Variants in GSK3B observed in about 807,000 individuals in gnomAD.
GSK3B encodes glycogen synthase kinase-3 beta.
Under a neutral mutation model 56.4 loss-of-function variants are expected in GSK3B, and 15 were observed. That is an observed-to-expected ratio of 0.27 (90% confidence interval 0.18 to 0.41). GSK3B has a LOEUF of 0.41. GSK3B is among the 10% of genes least tolerant of loss of function. The probability of loss-of-function intolerance (pLI) is 1.00; values close to 1 mark genes in which losing one functional copy is unlikely to be tolerated. For synonymous variants in GSK3B, 181 were observed against 188.9 expected (o/e 0.96, Z 0.34); for missense variants, 300 against 513.4 (o/e 0.58, Z 4.02).
intron 2 of GSK3B, among the ~76,000 whole-genome samples, chr3:119,970,301 C>T (rs925164535): frequency 6.6e-6 from 1 of 152,118 alleles, no homozygotes; most frequent in East Asian, 1.9e-4. Context: ...AGAGAAACTT[C>T]ACCAAAGACA....
chr3:119,890,506 G>A lies in GSK3B; in HGVS notation c.814-13998C>T, dbSNP rs558453256. ...GACCACAAAGGAGAATGAACAGGGTGACCAACCATCCCAGTTTGCCTGGGA... is the reference window on the plus strand; with the variant it reads ...GACCACAAAGGAGAATGAACAGGGTAACCAACCATCCCAGTTTGCCTGGGA... On this transcript the variant is annotated intron_variant, in intron 7 of 10. Transcript: ENST00000264235. Among the ~76,000 whole-genome samples, 7 of 152,170 alleles carry A rather than the reference G, an allele frequency of 4.6e-5. No individual in the cohort carries two copies. In the South Asian group the frequency reaches 1.4e-3, roughly 32 times the overall value.
intron 2 of GSK3B, among the ~76,000 whole-genome samples, chr3:119,958,960 G>C (rs1365057038): frequency 1.3e-5 from 2 of 152,010 alleles, no homozygotes; most frequent in Non-Finnish European, 2.9e-5. Context: ...ATATCCCCTG[G>C]AATACAACAC....
intron 3 of GSK3B, among the ~76,000 whole-genome samples, chr3:119,936,894 C>T (rs918239897): frequency 5.3e-5 from 8 of 151,956 alleles, no homozygotes; most frequent in Non-Finnish European, 1.2e-4. Flanking sequence ...CTGGACCCAA[C>T]ATACATATAC....
At chr3:119,938,144 CAAAGT>C (rs970895615) in intron 3 of GSK3B, among the ~76,000 whole-genome samples, 81 of 152,110 alleles carry the variant, frequency 5.3e-4, no homozygotes, top group African/African-American at 1.8e-3. Flanking sequence ...AACCTCCCAA[CAAAGT>C]AAAGTCCAGG....
intron 1 of GSK3B, among the ~76,000 whole-genome samples, chr3:120,050,206 C>T (rs996085301): frequency 1.3e-5 from 2 of 152,194 alleles, no homozygotes; most frequent in Non-Finnish European, 2.9e-5. Context: ...CAAGAACTCA[C>T]TCACTGCTAC....
rs530544829 is a variant in GSK3B, at chr3:119,983,164, T to C, written c.282+18882A>G. Among the ~76,000 whole-genome samples, 24 of 152,178 alleles carry C rather than the reference T, an allele frequency of 1.6e-4. 1 individual carries two copies. The South Asian group carries it at 2.3e-3, about 14-fold the overall frequency. ...ACAGACAAGCAAATGCTGAGAGACT[T>C]TGTCACCACCAGGCCTGCCTTACAA... On this transcript the variant is annotated intron_variant, in intron 2 of 10. Coordinates refer to ENST00000264235, the MANE Select transcript of GSK3B (RefSeq NM_001146156.2).
At chr3:120,075,680 T>C (rs764790783) in intron 1 of GSK3B, among the ~76,000 whole-genome samples, 5 of 151,954 alleles carry the variant, frequency 3.3e-5, no homozygotes, top group Admixed American at 6.6e-5. Flanking sequence ...AACCAAAAAG[T>C]TGAAAGACCT....
intron 9 of GSK3B, among the ~76,000 whole-genome samples, chr3:119,859,046 T>C (rs1263538014): frequency 6.6e-6 from 1 of 152,064 alleles, no homozygotes; most frequent in Non-Finnish European, 1.5e-5. Flanking sequence ...CTCTAAATAT[T>C]GCAAGAATTA....
chr3:120,091,648 G>A (rs2058513498), intron 1 of GSK3B, among the ~76,000 whole-genome samples: 1 of 151,976 alleles, frequency 6.6e-6, no homozygotes, highest in Non-Finnish European at 1.5e-5. Flanking sequence ...TACCACAAGA[G>A]GCTCTTAAGT....
In GSK3B at chr3:120,075,862, G is replaced by C. The variant is rs1371880154; in HGVS notation, c.88+17485C>G. 3.3e-5 allele frequency among the ~76,000 whole-genome samples: 5 copies of C among 151,932 alleles called. No homozygotes were observed. The East Asian group carries it at 5.8e-4, about 18-fold the overall frequency. ...AAAATCCCAATGGCATTCTTCACAA[G>C]AGTAGAAAAAGCAATCCTAAAATTC... On this transcript the variant is annotated intron_variant, in intron 1 of 10. Transcript: ENST00000264235.
At chr3:119,925,444 T>C (rs1295226257) in intron 3 of GSK3B, among the ~76,000 whole-genome samples, 1 of 152,138 alleles carries the variant, frequency 6.6e-6, no homozygotes, top group African/African-American at 2.4e-5. Context: ...AACCTCAGCC[T>C]CAACAGATGA....
At chr3:120,031,127 G>T (rs900578254) in intron 1 of GSK3B, among the ~76,000 whole-genome samples, 4 of 152,116 alleles carry the variant, frequency 2.6e-5, no homozygotes, top group African/African-American at 4.8e-5. Context: ...ATGGACCAAA[G>T]TGCTAAGTAT....
At chr3:119,999,652 G>A (rs533495516) in intron 2 of GSK3B, among the ~76,000 whole-genome samples, 2 of 152,254 alleles carry the variant, frequency 1.3e-5, no homozygotes, top group Non-Finnish European at 1.5e-5. Context: ...ATATGGGCTC[G>A]AGGAATTTAG....
chr3:120,013,163 G>C (rs80302042), intron 1 of GSK3B, among the ~76,000 whole-genome samples: 3 of 152,038 alleles, frequency 2.0e-5, no homozygotes, highest in African/African-American at 7.3e-5. Context: ...CGATGAATAC[G>C]GTGACATGGA....
chr3:119,994,934 T>C (rs2057600313), intron 2 of GSK3B, among the ~76,000 whole-genome samples: 1 of 152,172 alleles, frequency 6.6e-6, no homozygotes, highest in Admixed American at 6.5e-5. Flanking sequence ...ATAATTATTA[T>C]GTGGTTACAT....
At chr3:119,988,249 A>G (rs1479477963) in intron 2 of GSK3B, among the ~76,000 whole-genome samples, 1 of 152,210 alleles carries the variant, frequency 6.6e-6, no homozygotes, top group Non-Finnish European at 1.5e-5. Context: ...ATGTTTTAAC[A>G]TATTGCTAAT....
At chr3:119,887,481 A>G (rs962051250) in intron 7 of GSK3B, among the ~76,000 whole-genome samples, 1 of 152,136 alleles carries the variant, frequency 6.6e-6, no homozygotes, top group Non-Finnish European at 1.5e-5. Context: ...GAAATTGTAC[A>G]GTTAAAAAAT....
At chr3:120,029,070 A>G (rs1576282540) in intron 1 of GSK3B, 1 of 759,662 alleles carries the variant, frequency 1.3e-6, no homozygotes, top group East Asian at 2.6e-5. Context: ...CAGGCTGTGC[A>G]TTTGGATCAG....
At chr3:119,894,263 A>C (rs1233862576) in intron 7 of GSK3B, among the ~76,000 whole-genome samples, 2 of 152,100 alleles carry the variant, frequency 1.3e-5, no homozygotes, top group African/African-American at 2.4e-5. Flanking sequence ...GTAAGTTTTC[A>C]GTTATTAGGA....
Sources: allele counts gnomAD v4.1 joint callset (sites outside exome capture counted in the v4.1 genomes callset), GRCh38; gene constraint gnomAD v4.1.1; transcripts MANE v1.5; gene names NCBI Gene and HGNC (gene_info 2026-07-23, HGNC 2026-07-21).